The following RASAL1 variants were observed in gnomAD, a reference collection of about 807,000 sequenced individuals.
RASAL1 encodes the protein rasGAP-activating-like protein 1.
A neutral mutation model predicts 96.6 loss-of-function variants in RASAL1; 72 were observed. The observed-to-expected ratio is 0.75, with a 90% confidence interval of 0.62 to 0.91. The LOEUF (loss-of-function observed/expected upper bound fraction) is 0.91. Among genes scored for constraint, RASAL1 ranks in the 40% least tolerant of loss-of-function variants. The probability of loss-of-function intolerance (pLI) is 0.00; values close to 1 mark genes in which losing one functional copy is unlikely to be tolerated. For missense variants in RASAL1, 1,016 were observed against 1,072.5 expected (o/e 0.95, Z 0.74); for synonymous variants, 405 against 430.4 (o/e 0.94, Z 0.73).
At chr12:113,131,269 A>C in intron 1 of RASAL1, among the ~76,000 whole-genome samples, 1 of 150,316 alleles carries the variant, frequency 6.7e-6, no homozygotes, top group Non-Finnish European at 1.5e-5. Flanking sequence ...GGGGGTCTTG[A>C]ATGCCTGGCT....
Position 113,117,177 on chromosome 12 carries a change from C to A in RASAL1, c.643-16G>T, listed in dbSNP as rs1440589128. 2.6e-6 allele frequency: 4 copies of A among 1,556,604 alleles called. No homozygotes were observed. The African/African-American group carries it at 4.1e-5, about 16-fold the overall frequency. ...AGAACTCCACCTTTTGAGAGAGACA[C>A]ACAGACCCTCAGCCGGGCCCTGGCC... On this transcript the variant is annotated splice_polypyrimidine_tract_variant and intron_variant, in intron 7 of 20. Transcript: ENST00000548055.
rs1328484146 is a variant in RASAL1, at chr12:113,130,595, C to T, written c.122+290G>A. Among the ~76,000 whole-genome samples, 5 of 152,162 alleles carry T rather than the reference C, an allele frequency of 3.3e-5. No homozygotes were observed. Among genetic ancestry groups the T allele is most frequent in the African/African-American group, 1.2e-4 (5 of 41,440 alleles). On this transcript the variant is annotated intron_variant, in intron 2 of 20. Coordinates refer to ENST00000548055, the MANE Select transcript of RASAL1 (RefSeq NM_001301202.2). This position sits in a 1 kb window ranked among gnomAD's most constrained non-coding sequence, Gnocchi z 5.1. The stretch of plus-strand genomic sequence containing the variant: ...GCAGGCCCGGAACCAACCAGTCCAG[C>T]CAAGCGTGAGATGCCCGCCCCCAGG...
Position 113,105,709 on chromosome 12 carries a change from C to T in RASAL1, c.1830+5G>A. On this transcript the variant is annotated splice_donor_5th_base_variant and intron_variant, in intron 16 of 20. Transcript: ENST00000548055. Reference sequence around the variant, plus strand: ...AAAGCCCTCCATAGTGGACTGGAACCCCACCTGCCACTCAGGACTCTTGGA... The same window carrying T: ...AAAGCCCTCCATAGTGGACTGGAACTCCACCTGCCACTCAGGACTCTTGGA... 2 of 1,599,286 alleles carry T rather than the reference C, an allele frequency of 1.3e-6. No homozygotes were observed. The highest frequency in any genetic ancestry group is 1.7e-6 in the Non-Finnish European group (2 of 1,170,626).
chr12:113,126,688 T>TCTCTCACA (rs372157451), intron 4 of RASAL1, among the ~76,000 whole-genome samples: 4 of 138,944 alleles, frequency 2.9e-5, no homozygotes, highest in African/African-American at 1.1e-4. Flanking sequence ...TCTCTCTCTC[T>TCTCTCACA]CACACACACA....
chr12:113,121,178 A>G (rs932817099), intron 5 of RASAL1, among the ~76,000 whole-genome samples: 9 of 152,242 alleles, frequency 5.9e-5, no homozygotes, highest in African/African-American at 2.2e-4. Flanking sequence ...TGTCAGTCAT[A>G]TAAGCCAATA....
chr12:113,134,769 C>A (rs1176982189), intron 1 of RASAL1, among the ~76,000 whole-genome samples: 2 of 152,144 alleles, frequency 1.3e-5, no homozygotes, highest in Admixed American at 6.5e-5. Context: ...TTGCACCTGG[C>A]TGGGGAGGGG....
chr12:113,115,756 T>C lies in RASAL1; in HGVS notation c.882A>G (p.Glu294=). 6.2e-7 allele frequency: 1 copy of C among 1,613,904 alleles called. No individual in the cohort carries two copies. The highest frequency in any genetic ancestry group is 8.5e-7 in the Non-Finnish European group (1 of 1,179,812). Reference sequence around the variant, plus strand: ...GGCGGCAGTCCCCCAAGGTCAGCTCTTCCAGCAAAGCCAAGGGGCTAGCAG... The same window carrying C: ...GGCGGCAGTCCCCCAAGGTCAGCTCCTCCAGCAAAGCCAAGGGGCTAGCAG... ...EDTASPLALL[E]ELTLGDCRQD... is the part of the protein sequence containing the mutation. The change falls in exon 10 of 21, where the codon GAA becomes GAG. Residue 294 remains glutamate (E), a synonymous_variant. Transcript: ENST00000548055. This position sits in a 1 kb window ranked among gnomAD's most constrained non-coding sequence, Gnocchi z 4.1.
intron 5 of RASAL1, 128 bp downstream of exon 5, chr12:113,121,381 G>T: frequency 2.1e-6 from 3 of 1,452,986 alleles, no homozygotes; most frequent in Non-Finnish European, 2.8e-6. Flanking sequence ...TCCACACAGG[G>T]AACCTGACTG....
At position 113,119,178 on chromosome 12, in the gene RASAL1, C is replaced by T. The variant is rs1951193009; in HGVS notation, c.592G>A (p.Val198Met). 2.5e-6 allele frequency: 4 copies of T among 1,613,874 alleles called. No homozygotes were observed. The highest frequency in any genetic ancestry group is 2.2e-5 in the South Asian group (2 of 91,048). Reference sequence around the variant, plus strand: ...ACCATGTCCCAGTCCCAGAGCTCCACCCGCAGTGGGGACGGGGCACCTGGC... The same window carrying T: ...ACCATGTCCCAGTCCCAGAGCTCCATCCGCAGTGGGGACGGGGCACCTGGC... ...EMPGAPSPLRVELWDWDMVGK... is the reference protein window; with the variant it reads ...EMPGAPSPLRMELWDWDMVGK... The change falls in exon 7 of 21, where the codon GTG (valine) becomes ATG (methionine). Residue 198 changes from valine to methionine, a missense_variant. By Grantham distance (21) the Val-to-Met change is conservative. Coordinates refer to ENST00000548055, the MANE Select transcript of RASAL1 (RefSeq NM_001301202.2).
rs66560829 is a variant in RASAL1 at position 113,124,239 on chromosome 12, A to T, written c.299-2601T>A. On this transcript the variant is annotated intron_variant, in intron 4 of 20. Coordinates refer to ENST00000548055, the MANE Select transcript of RASAL1 (RefSeq NM_001301202.2). ...TCTCAAAAAAAAAAAAAAAAAAAAA[A>T]GTTACCACAAGTCCAACAATGTATT... Among the ~76,000 whole-genome samples, 180 of 137,722 alleles carry T rather than the reference A, an allele frequency of 1.3e-3. 1 individual carries two copies. The highest frequency in any genetic ancestry group is 3.2e-3 in the African/African-American group (119 of 37,478). 90.4% of individuals were successfully genotyped at this position (137,722 alleles called of 152,430 possible). A position where few individuals can be genotyped will look rare whatever the true frequency, so the allele number is the denominator to read the frequency against.
intron 4 of RASAL1, 28 bp downstream of exon 4, chr12:113,127,784 C>T (rs1951541267): frequency 1.3e-6 from 2 of 1,594,242 alleles, no homozygotes; most frequent in African/African-American, 1.3e-5. Flanking sequence ...ATGGCCCCCT[C>T]CTCCCTCTGC....
At chr12:113,114,934 C>T (rs780842074) in intron 11 of RASAL1, 22 bp from the exon 12 acceptor site, 50 of 1,586,822 alleles carry the variant, frequency 3.2e-5, no homozygotes, top group Middle Eastern at 1.7e-4. Flanking sequence ...GGGCACCACA[C>T]GGGGTGGGGC....
At chr12:113,107,737 C>T in intron 14 of RASAL1, 1 of 397,570 alleles carries the variant, frequency 2.5e-6, no homozygotes. Context: ...CCCTCCCGAG[C>T]CCAGATCCTC....
At chr12:113,100,711 G>A (rs1346288407) in intron 19 of RASAL1, 31 bp from the exon 20 acceptor site, 2 of 1,586,682 alleles carry the variant, frequency 1.3e-6, no homozygotes, top group Non-Finnish European at 1.7e-6. Flanking sequence ...AGACAAGTCT[G>A]GTCCCTGATT....
intron 19 of RASAL1, 122 bp downstream of exon 19, chr12:113,101,767 G>GC (rs989260118): frequency 7.5e-7 from 1 of 1,330,210 alleles, no homozygotes; most frequent in African/African-American, 1.5e-5. Flanking sequence ...CCTGGGCCAG[G>GC]CCCCCGGGGA....
chr12:113,128,484 G>C (rs920217818), intron 2 of RASAL1, among the ~76,000 whole-genome samples: 4 of 147,096 alleles, frequency 2.7e-5, no homozygotes, highest in Non-Finnish European at 4.5e-5. Context: ...ATACACCAGA[G>C]ATCTCAACAC....
intron 4 of RASAL1, 126 bp from the exon 5 acceptor site, chr12:113,121,764 C>T (rs1951303585): frequency 1.7e-6 from 2 of 1,155,548 alleles, no homozygotes; most frequent in South Asian, 3.1e-5. Flanking sequence ...TTCTGTTGCC[C>T]AGGCTGGAGT....
chr12:113,131,019 C>A (rs1951687259), intron 1 of RASAL1, 78 bp from the exon 2 acceptor site: 1 of 1,133,990 alleles, frequency 8.8e-7, no homozygotes, highest in East Asian at 2.4e-5. Context: ...ATGACACAGG[C>A]AGGGGAGTCG....
chr12:113,105,719 A>G lies in RASAL1; in HGVS notation c.1825T>C (p.Trp609Arg). The part of the protein sequence containing the change: ...ETLSFSKSPE[W>R]QMCHSIPVSH... The stretch of plus-strand genomic sequence containing the variant: ...ATAGTGGACTGGAACCCCACCTGCC[A>G]CTCAGGACTCTTGGAGAAGGAGAGG... Residue 609 changes from tryptophan (W) to arginine (R), a missense_variant, in exon 16 of 21, where the codon TGG (tryptophan) becomes CGG (arginine). Transcript: ENST00000548055. 1.2e-6 allele frequency: 2 copies of G among 1,606,896 alleles called. No homozygotes were observed. Among genetic ancestry groups the G allele is most frequent in the Non-Finnish European group, 1.7e-6 (2 of 1,175,342 alleles).
Sources: gnomAD v4.1 joint callset for allele counts (sites outside exome capture counted in the v4.1 genomes callset) on GRCh38, gnomAD v4.1.1 for gene constraint, Gnocchi (gnomAD v3.1) non-coding constraint, MANE v1.5 for transcripts, NCBI Gene and HGNC (gene_info 2026-07-23, HGNC 2026-07-21) for gene names.